Variants in HLTF observed in about 807,000 individuals in gnomAD.
HLTF encodes DNA-dependent ATPase/E3 ubiquitin-protein ligase HLTF.
A neutral mutation model predicts 129.4 loss-of-function variants in HLTF; 127 were observed. The ratio of observed to expected loss-of-function variants is 0.98; its 90% CI spans 0.85 to 1.14. HLTF has a LOEUF of 1.14. Among genes scored for constraint, HLTF ranks in the 50% most tolerant of loss-of-function variants. The pLI, the probability that HLTF is intolerant of heterozygous loss-of-function variation, is 0.00. For missense variants in HLTF, 1,139 were observed against 1,187.1 expected, an observed-to-expected ratio of 0.96 and a Z score of 0.60; for synonymous variants, 332 against 388.8, an observed-to-expected ratio of 0.85 and a Z score of 1.72.
Position 149,030,700 on chromosome 3 carries a change from A to C in HLTF, c.*1520T>G, listed in dbSNP as rs1366103833. The C allele has an allele frequency of 6.6e-6, 1 of 152,224 alleles. No individual in the cohort carries two copies. The highest frequency in any genetic ancestry group is 1.5e-5 in the Non-Finnish European group (1 of 68,036). The allele number at this position is 152,224 out of a possible 1,614,324, so 9.4% of individuals were successfully genotyped here. ...GCTAGCGGGCTAATCCCACATTATT[A>C]TTCCACTATCATCCCTGCAGAAAGG... On this transcript the variant is annotated 3_prime_UTR_variant, in exon 25 of 25. Coordinates refer to ENST00000310053, the MANE Select transcript of HLTF (RefSeq NM_003071.4).
At chr3:149,059,879 G>C in intron 12 of HLTF, 72 bp from the exon 13 acceptor site, 3 of 895,884 alleles carry the variant, frequency 3.3e-6, no homozygotes, top group Non-Finnish European at 5.3e-6. Flanking sequence ...TACTTTCTAA[G>C]GGTAAGAAAT....
chr3:149,041,982 A>C, intron 19 of HLTF, 184 bp downstream of exon 19: 1 of 608,988 alleles, frequency 1.6e-6, no homozygotes, highest in Admixed American at 3.0e-5. Flanking sequence ...GAAAGACCTC[A>C]TTATAATTCC....
chr3:149,052,448 A>G (rs1320419209), intron 14 of HLTF, among the ~76,000 whole-genome samples: 3 of 152,208 alleles, frequency 2.0e-5, no homozygotes, highest in East Asian at 3.9e-4. Context: ...TTTGTCATCT[A>G]TCTTCATTCC....
chr3:149,063,100 C>T, intron 10 of HLTF: 1 of 460,438 alleles, frequency 2.2e-6, no homozygotes, highest in South Asian at 1.6e-5. Flanking sequence ...CACTCTGTCA[C>T]CCAGGCTGCA....
intron 1 of HLTF, 126 bp from the exon 2 acceptor site, chr3:149,085,015 A>C (rs930567240): frequency 2.9e-5 from 20 of 689,076 alleles, no homozygotes; most frequent in Non-Finnish European, 4.6e-5. Context: ...GTAAAGATTA[A>C]TAGTTACTCT....
At chr3:149,060,911 G>T in intron 10 of HLTF, 53 bp from the exon 11 acceptor site, 1 of 1,177,752 alleles carries the variant, frequency 8.5e-7, no homozygotes, top group Non-Finnish European at 1.2e-6. Context: ...AGCAAAATAA[G>T]ATATACAAAC....
chr3:149,074,069 G>T, intron 4 of HLTF, 146 bp downstream of exon 4: 2 of 645,580 alleles, frequency 3.1e-6, no homozygotes, highest in Non-Finnish European at 5.0e-6. Context: ...AAAAATCAGA[G>T]ATTTCCTCAA....
Position 149,030,425 on chromosome 3 carries a change from T to C in HLTF, c.*1795A>G, listed in dbSNP as rs1014699824. 2.6e-5 allele frequency: 4 copies of C among 151,732 alleles called. No homozygotes were observed. The highest frequency in any genetic ancestry group is 1.3e-4 in the Admixed American group (2 of 15,234). 9.4% of individuals were successfully genotyped at this position (151,732 alleles called of 1,614,324 possible). ...TTAAACAACTTGCCAAACTTACTTA[T>C]GAGTGTGTTTTAAAAACAACTTTGT... On this transcript the variant is annotated 3_prime_UTR_variant, in exon 25 of 25. Transcript: ENST00000310053.
chr3:149,035,907 A>G (rs1715568605), intron 23 of HLTF, among the ~76,000 whole-genome samples: 1 of 151,934 alleles, frequency 6.6e-6, no homozygotes, highest in South Asian at 2.1e-4. Flanking sequence ...AGGCCGAGGC[A>G]GGCAGATCAC....
Position 149,042,169 on chromosome 3 carries a change from A to G in HLTF, c.2194T>C (p.Ser732Pro). The change falls in exon 19 of 25, where the codon TCA becomes CCA. Residue 732 changes from serine to proline, a missense_variant. By Grantham distance (74) the Ser-to-Pro change is moderately conservative. Transcript: ENST00000310053. ...TGAAGCAATCAAATTTACCTACCTG[A>G]GGGGCCATTGGAAGACACTGCATTT... is the stretch of plus-strand genomic sequence containing the variant. ...LTNAVSSNGP[S>P]GNDTPEELRK... The G allele has an allele frequency of 3.7e-6, 6 of 1,612,974 alleles. No individual in the cohort carries two copies. Among genetic ancestry groups the G allele is most frequent in the Non-Finnish European group, 5.1e-6 (6 of 1,179,114 alleles).
In HLTF at chr3:149,042,215, A is replaced by C; in HGVS notation, c.2148T>G (p.Cys716Trp). 1.9e-6 allele frequency: 3 copies of C among 1,613,028 alleles called. No homozygotes were observed. In the South Asian group the frequency reaches 3.3e-5, roughly 18 times the overall value. The change falls in exon 19 of 25, where the codon TGT becomes TGG. Residue 716 changes from cysteine (C) to tryptophan (W), a missense_variant. Coordinates refer to ENST00000310053, the MANE Select transcript of HLTF (RefSeq NM_003071.4). ...LGLLLRLRQI[C>W]CHTYLLTNAV... The stretch of plus-strand genomic sequence containing the variant: ...CATTTGTAAGAAGGTAAGTATGGCA[A>C]CAAATTTGCCGCAGTCTAAGCAAAA...
intron 16 of HLTF, 145 bp from the exon 17 acceptor site, chr3:149,048,308 T>C (rs1412552981): frequency 1.9e-6 from 1 of 524,822 alleles, no homozygotes; most frequent in Non-Finnish European, 3.2e-6. Flanking sequence ...CTATCAAGTG[T>C]TGACTATAAT....
In HLTF at chr3:149,071,271, A is replaced by G; in HGVS notation, c.875T>C (p.Leu292Ser). 1 of 1,585,076 alleles carries G rather than the reference A, an allele frequency of 6.3e-7. No homozygotes were observed. The highest frequency in any genetic ancestry group is 8.6e-7 in the Non-Finnish European group (1 of 1,166,650). Residue 292 changes from leucine to serine, a missense_variant, in exon 7 of 25, where the codon TTA (leucine) becomes TCA (serine). Physicochemically the swap from Leu to Ser is moderately radical, Grantham distance 145 (BLOSUM62 -2). Transcript: ENST00000310053. The part of the protein sequence containing the change: ...DRPENVHGGI[L>S]ADDMGLGKTL... ...AATTACCAAACCCATATCATCAGCT[A>G]AAATTCCTCCATGGACATTTTCTGG...
At chr3:149,032,888 G>A (rs1294611601) in intron 24 of HLTF, among the ~76,000 whole-genome samples, 9 of 151,136 alleles carry the variant, frequency 6.0e-5, no homozygotes, top group East Asian at 1.9e-4. Flanking sequence ...GTGTGAACCC[G>A]GGAGGCGGAG....
At chr3:149,050,584 GC>G (rs1471560411) in intron 14 of HLTF, among the ~76,000 whole-genome samples, 1 of 152,098 alleles carries the variant, frequency 6.6e-6, no homozygotes, top group Non-Finnish European at 1.5e-5. Flanking sequence ...AATTTACTTG[GC>G]CCTACCAATC....
chr3:149,058,626 A>G (rs572009280), intron 13 of HLTF, among the ~76,000 whole-genome samples: 5 of 152,312 alleles, frequency 3.3e-5, no homozygotes, highest in Admixed American at 1.3e-4. Context: ...ATGGAAATTT[A>G]AAATGTAGTG....
chr3:149,077,997 T>C (rs1719531617), intron 2 of HLTF, among the ~76,000 whole-genome samples: 1 of 151,698 alleles, frequency 6.6e-6, no homozygotes, highest in African/African-American at 2.4e-5. Flanking sequence ...ATTACAAAAC[T>C]CAGCAACAAA....
chr3:149,039,036 C>G lies in HLTF; in HGVS notation c.2796+13G>C. ...AGTACTAAGATTCTGAAAAAATTTA[C>G]AGAACTACTTACTGGATCCATTAAA... On this transcript the variant is annotated intron_variant, in intron 23 of 24. Coordinates refer to ENST00000310053, the MANE Select transcript of HLTF (RefSeq NM_003071.4). 6.9e-7 allele frequency: 1 copy of G among 1,456,826 alleles called. No homozygotes were observed. Among genetic ancestry groups the G allele is most frequent in the Non-Finnish European group, 9.1e-7 (1 of 1,095,610 alleles). The allele number at this position is 1,456,826 out of a possible 1,614,324, so 90.2% of individuals were successfully genotyped here.
intron 18 of HLTF, 67 bp from the exon 19 acceptor site, chr3:149,042,357 C>G: frequency 2.9e-6 from 4 of 1,360,302 alleles, no homozygotes; most frequent in Admixed American, 2.1e-5. Flanking sequence ...TCTAAAACAG[C>G]AGAGTAAAAT....
Sources: gnomAD v4.1 joint callset for allele counts (sites outside exome capture counted in the v4.1 genomes callset) on GRCh38, gnomAD v4.1.1 for gene constraint, MANE v1.5 for transcripts, NCBI Gene and HGNC (gene_info 2026-07-23, HGNC 2026-07-21) for gene names.